The following ERBB4 variants were observed in gnomAD, a reference collection of about 807,000 sequenced individuals.
The protein encoded by ERBB4 is erb-b2 receptor tyrosine kinase 4.
ERBB4 carries 42 observed loss-of-function variants against 158.0 expected under a neutral mutation model. The ratio of observed to expected loss-of-function variants is 0.27; its 90% CI spans 0.21 to 0.34. ERBB4 has a LOEUF of 0.34. ERBB4 is among the 10% of genes least tolerant of loss of function. ERBB4 has a pLI of 1.00. For synonymous variants in ERBB4, 583 were observed against 558.7 expected (o/e 1.04, Z -0.61); for missense variants, 1,333 against 1,624.1 (o/e 0.82, Z 3.08).
chr2:211,667,095 CAAA>C (rs5838274), intron 14 of ERBB4, among the ~76,000 whole-genome samples: 1 of 141,210 alleles, frequency 7.1e-6, no homozygotes. Context: ...CCTGATGAGC[CAAA>C]AAAAAAAAAA....
chr2:211,769,922 T>A (rs930147253), intron 4 of ERBB4, among the ~76,000 whole-genome samples: 1 of 152,224 alleles, frequency 6.6e-6, no homozygotes, highest in Non-Finnish European at 1.5e-5. Flanking sequence ...ACTCAAATGT[T>A]AATTTCTTTT....
chr2:212,034,249 C>A (rs1016115526), intron 2 of ERBB4, among the ~76,000 whole-genome samples: 1 of 151,946 alleles, frequency 6.6e-6, no homozygotes, highest in Non-Finnish European at 1.5e-5. Flanking sequence ...TGCATTTTCC[C>A]TACCTTTACC....
chr2:212,478,430 A>G (rs1247977194), intron 1 of ERBB4, among the ~76,000 whole-genome samples: 1 of 152,082 alleles, frequency 6.6e-6, no homozygotes, highest in Non-Finnish European at 1.5e-5. Flanking sequence ...ATGCATTGAG[A>G]GTTTCATAGG....
At chr2:212,267,682 C>T (rs983201541) in intron 1 of ERBB4, among the ~76,000 whole-genome samples, 2 of 148,742 alleles carry the variant, frequency 1.3e-5, no homozygotes, top group Admixed American at 6.8e-5. Context: ...ATGTGCCATG[C>T]TGGTGTGATG....
At chr2:212,078,082 C>T (rs1046182500) in intron 2 of ERBB4, among the ~76,000 whole-genome samples, 4 of 152,026 alleles carry the variant, frequency 2.6e-5, no homozygotes, top group African/African-American at 4.8e-5. Context: ...AATCATATTA[C>T]AGGCAAATAG....
intron 1 of ERBB4, among the ~76,000 whole-genome samples, chr2:212,535,392 C>T (rs1453779488): frequency 1.3e-5 from 2 of 152,076 alleles, no homozygotes; most frequent in African/African-American, 4.8e-5. Context: ...CATTTTTCTT[C>T]TCAAATGAAA....
In ERBB4 at chr2:211,861,050, T is replaced by C. The variant is rs13422991; in HGVS notation, c.422-72891A>G. On this transcript the variant is annotated intron_variant, in intron 3 of 27. Coordinates refer to ENST00000342788, the MANE Select transcript of ERBB4 (RefSeq NM_005235.3). Reference sequence around the variant, plus strand: ...TATAAATATAATATATTTATATATTTATATATATATAAATATAATATATTT... The same window carrying C: ...TATAAATATAATATATTTATATATTCATATATATATAAATATAATATATTT... 4.9e-4 allele frequency among the ~76,000 whole-genome samples: 3 copies of C among 6,090 alleles called. 1 individual carries two copies. Among genetic ancestry groups the C allele is most frequent in the Admixed American group, 6.6e-3 (2 of 304 alleles). The allele number at this position is 6,090 out of a possible 152,430, so 4.0% of individuals were successfully genotyped here. A position where few individuals can be genotyped will look rare whatever the true frequency, so the allele number is the denominator to read the frequency against.
At chr2:212,323,260 T>A (rs1324849438) in intron 1 of ERBB4, among the ~76,000 whole-genome samples, 1 of 150,674 alleles carries the variant, frequency 6.6e-6, no homozygotes, top group Non-Finnish European at 1.5e-5. Context: ...TAATTTTTAA[T>A]CAGGCCTTTA....
intron 2 of ERBB4, among the ~76,000 whole-genome samples, chr2:211,977,531 T>TCAAAAAAAAAAA (rs1445827351): frequency 1.5e-5 from 1 of 67,594 alleles, no homozygotes; most frequent in Non-Finnish European, 2.7e-5. Context: ...ATATTGACTT[T>TCAAAAAAAAAAA]AAAAAAAAAA....
intron 17 of ERBB4, 41 bp downstream of exon 17, chr2:211,630,421 A>G (rs201101640): frequency 2.5e-6 from 4 of 1,610,806 alleles, no homozygotes; most frequent in African/African-American, 1.3e-5. Context: ...AAACCTGATG[A>G]AAATCCCCAA....
At chr2:211,435,918 T>A (rs1465736019) in intron 20 of ERBB4, among the ~76,000 whole-genome samples, 1 of 151,974 alleles carries the variant, frequency 6.6e-6, no homozygotes, top group Admixed American at 6.6e-5. Flanking sequence ...TAGGTGGACA[T>A]GGAGAAATTA....
At chr2:211,928,874 A>C (rs2080091619) in intron 3 of ERBB4, among the ~76,000 whole-genome samples, 1 of 152,164 alleles carries the variant, frequency 6.6e-6, no homozygotes, top group African/African-American at 2.4e-5. Flanking sequence ...AAGCTCCAAA[A>C]ACAATGAGCT....
chr2:211,929,281 G>C (rs1013886137), intron 3 of ERBB4, among the ~76,000 whole-genome samples: 1 of 151,910 alleles, frequency 6.6e-6, no homozygotes, highest in African/African-American at 2.4e-5. Context: ...GAGAGAGAGA[G>C]AGAGACAGAG....
chr2:212,368,791 G>C (rs2106378368), intron 1 of ERBB4, among the ~76,000 whole-genome samples: 2 of 152,194 alleles, frequency 1.3e-5, no homozygotes, highest in Non-Finnish European at 2.9e-5. Flanking sequence ...TAACCAATCA[G>C]TGGGAATTAT....
intron 20 of ERBB4, among the ~76,000 whole-genome samples, chr2:211,517,582 C>T (rs1004842114): frequency 1.3e-5 from 2 of 152,048 alleles, no homozygotes; most frequent in Non-Finnish European, 2.9e-5. Context: ...TGGTCCCTGC[C>T]TTCATAAAAG....
intron 1 of ERBB4, among the ~76,000 whole-genome samples, chr2:212,493,040 G>GT (rs1690364802): frequency 1.3e-5 from 2 of 151,300 alleles, no homozygotes; most frequent in Admixed American, 6.6e-5. Flanking sequence ...AAATCCTTCA[G>GT]TGAACGTATG....
chr2:211,633,995 C>T (rs2070254343), intron 16 of ERBB4, among the ~76,000 whole-genome samples: 3 of 152,174 alleles, frequency 2.0e-5, no homozygotes, highest in African/African-American at 4.8e-5. Flanking sequence ...CCCATCTCTA[C>T]TAAAAATACA....
At chr2:211,709,247 A>ATG in intron 9 of ERBB4, among the ~76,000 whole-genome samples, 2 of 84,824 alleles carry the variant, frequency 2.4e-5, no homozygotes, top group African/African-American at 1.1e-4. Flanking sequence ...ATATATATAT[A>ATG]TATACACATA....
Position 211,725,069 on chromosome 2 carries a change from G to A in ERBB4, c.741+7C>T, listed in dbSNP as rs758534852. 4.5e-6 allele frequency: 7 copies of A among 1,559,554 alleles called. No homozygotes were observed. Among genetic ancestry groups the A allele is most frequent in the Non-Finnish European group, 6.2e-6 (7 of 1,130,334 alleles). ...AGGATAATAAAAGAGAGAAATCACA[G>A]ACATACAAAGCAGTCTGTGTCCTTA... On this transcript the variant is annotated splice_region_variant and intron_variant, in intron 6 of 27. Coordinates refer to ENST00000342788, the MANE Select transcript of ERBB4 (RefSeq NM_005235.3).
Sources: gnomAD v4.1 joint callset for allele counts (sites outside exome capture counted in the v4.1 genomes callset) on GRCh38, gnomAD v4.1.1 for gene constraint, MANE v1.5 for transcripts, NCBI Gene and HGNC (gene_info 2026-07-23, HGNC 2026-07-21) for gene names.